SORD: variants seen among roughly 807,000 people sequenced by gnomAD.
SORD encodes the protein sorbitol dehydrogenase.
A neutral mutation model predicts 35.6 loss-of-function variants in SORD; 18 were observed. The ratio of observed to expected loss-of-function variants is 0.51; its 90% CI spans 0.35 to 0.75. SORD has a LOEUF of 0.75. Ranked by LOEUF, SORD falls within the 30% of genes least tolerant of loss-of-function variation. The pLI is 0.01. For missense variants in SORD, 250 were observed against 390.2 expected (o/e 0.64, Z 3.03); for synonymous variants, 106 against 152.9 (o/e 0.69, Z 2.26).
chr15:45,038,189 T>TTCCC (rs1383591476), intron 1 of SORD, among the ~76,000 whole-genome samples: 2 of 135,218 alleles, frequency 1.5e-5, no homozygotes, highest in East Asian at 4.1e-4. Flanking sequence ...CCTTCCTTCC[T>TTCCC]TCCTTCTGAT....
intron 1 of SORD, among the ~76,000 whole-genome samples, chr15:45,024,524 G>A (rs1188694019): frequency 2.6e-5 from 4 of 152,054 alleles, no homozygotes; most frequent in South Asian, 4.1e-4. Context: ...ACAGAGCCAC[G>A]ACAAGGACTC....
intron 5 of SORD, among the ~76,000 whole-genome samples, chr15:45,065,715 CTT>C (rs1316865740): frequency 6.6e-6 from 1 of 152,116 alleles, no homozygotes; most frequent in African/African-American, 2.4e-5. Context: ...AGCCCAGGAG[CTT>C]GAGACCAGTC....
intron 4 of SORD, 103 bp downstream of exon 4, chr15:45,061,329 C>T (rs1440398659): frequency 1.5e-6 from 2 of 1,315,516 alleles, no homozygotes; most frequent in African/African-American, 2.9e-5. Context: ...GCTCATAATT[C>T]CAAACATGAG....
At chr15:45,069,560 C>T (rs1945182455) in intron 7 of SORD, among the ~76,000 whole-genome samples, 1 of 152,010 alleles carries the variant, frequency 6.6e-6, no homozygotes, top group African/African-American at 2.4e-5. Context: ...ATTGGGCCAT[C>T]TGAGGTTCAC....
rs759602536 is a variant in SORD at position 45,073,446 on chromosome 15, A to G, written c.990A>G (p.Lys330=). 1 of 1,573,788 alleles carries G rather than the reference A, an allele frequency of 6.4e-7. No homozygotes were observed. Among genetic ancestry groups the G allele is most frequent in the East Asian group, 2.3e-5 (1 of 44,414 alleles). The part of the protein sequence containing the change: ...PLVTHRFPLE[K]ALEAFETFKK... ...TCACCCATAGGTTTCCTCTGGAGAA[A>G]GCTCTGGAGGCCTTTGAAACATTTA... The change falls in exon 9 of 9, where the codon AAA becomes AAG. Residue 330 remains lysine (K), a synonymous_variant. Transcript: ENST00000267814.
At chr15:45,030,273 A>G (rs1441948749) in intron 1 of SORD, among the ~76,000 whole-genome samples, 3 of 152,264 alleles carry the variant, frequency 2.0e-5, no homozygotes, top group Admixed American at 2.0e-4. Flanking sequence ...ACCATTCCAT[A>G]AAAGCAGCCC....
At chr15:45,034,837 G>C (rs1204145245) in intron 1 of SORD, among the ~76,000 whole-genome samples, 1 of 152,254 alleles carries the variant, frequency 6.6e-6, no homozygotes, top group Non-Finnish European at 1.5e-5. Context: ...TGTGGAGAGA[G>C]AGGCGCGAGC....
intron 3 of SORD, among the ~76,000 whole-genome samples, chr15:45,056,713 A>G (rs1317375335): frequency 6.6e-6 from 1 of 152,248 alleles, no homozygotes; most frequent in Non-Finnish European, 1.5e-5. Context: ...TATACAAGTT[A>G]TAAATGTTTG....
intron 5 of SORD, among the ~76,000 whole-genome samples, chr15:45,067,568 C>T (rs368985800): frequency 7.9e-5 from 12 of 152,118 alleles, no homozygotes; most frequent in African/African-American, 1.9e-4. Flanking sequence ...GCTTTCATTC[C>T]GTGGGTCTGA....
At chr15:45,057,839 C>G (rs1181710039) in intron 3 of SORD, among the ~76,000 whole-genome samples, 1 of 152,144 alleles carries the variant, frequency 6.6e-6, no homozygotes, top group African/African-American at 2.4e-5. Context: ...GTGCTGGGCA[C>G]AAAGCCCAAA....
In SORD at chr15:45,061,176, T is replaced by A. The variant is rs1381217714; in HGVS notation, c.375T>A (p.Asp125Glu). ...TCTTCTTCTGTGCCACGCCCCCCGA[T>A]GACGGGAACCTCTGCCGGTTCTATA... ...PSIFFCATPP[D>E]DGNLCRFYKH... Residue 125 changes from aspartate (D) to glutamate (E), a missense_variant, in exon 4 of 9, where the codon GAT (aspartate) becomes GAA (glutamate). Coordinates refer to ENST00000267814, the MANE Select transcript of SORD (RefSeq NM_003104.6). 3 of 1,614,104 alleles carry A rather than the reference T, an allele frequency of 1.9e-6. No homozygotes were observed. The African/African-American group carries it at 4.0e-5, about 22-fold the overall frequency.
At chr15:45,047,358 G>A (rs999101600) in intron 3 of SORD, 1 of 151,944 alleles carries the variant, frequency 6.6e-6, no homozygotes, top group South Asian at 2.1e-4. Flanking sequence ...GCCTCAGCAG[G>A]CCTCACCAGG....
At chr15:45,069,087 A>C (rs55881086) in intron 7 of SORD, 35 bp downstream of exon 7, 2 of 1,474,240 alleles carry the variant, frequency 1.4e-6, no homozygotes, top group Middle Eastern at 1.8e-4. Context: ...GGGAATCAGC[A>C]TAGGGGAGTG....
chr15:45,027,000 C>G (rs1290603200), intron 1 of SORD, among the ~76,000 whole-genome samples: 1 of 152,252 alleles, frequency 6.6e-6, no homozygotes, highest in Non-Finnish European at 1.5e-5. Flanking sequence ...AAAAATTAAA[C>G]TCCTCACCTA....
intron 1 of SORD, among the ~76,000 whole-genome samples, chr15:45,030,597 T>G (rs1420999230): frequency 6.6e-6 from 1 of 152,278 alleles, no homozygotes; most frequent in Non-Finnish European, 1.5e-5. Context: ...ACGAACAGAC[T>G]AGAGCATCTG....
intron 1 of SORD, among the ~76,000 whole-genome samples, chr15:45,030,530 A>T (rs1050005873): frequency 1.7e-4 from 26 of 152,382 alleles, no homozygotes; most frequent in African/African-American, 5.8e-4. Context: ...ACAATTTTAA[A>T]AAACACAGAA....
chr15:45,062,914 A>G (rs1893344471), intron 4 of SORD, among the ~76,000 whole-genome samples: 1 of 146,534 alleles, frequency 6.8e-6, no homozygotes, highest in Non-Finnish European at 1.5e-5. Context: ...TGAGAAAAGC[A>G]TATCAAGTCT....
chr15:45,058,233 T>C (rs1893248332), intron 3 of SORD, among the ~76,000 whole-genome samples: 1 of 152,176 alleles, frequency 6.6e-6, no homozygotes, highest in Non-Finnish European at 1.5e-5. Context: ...CAGATAACAC[T>C]GAGGTGTAGC....
At chr15:45,023,412 A>G (rs1465517357) in intron 1 of SORD, 63 bp downstream of exon 1, 5 of 1,355,632 alleles carry the variant, frequency 3.7e-6, no homozygotes, top group Non-Finnish European at 4.9e-6. Flanking sequence ...GAGCCCAGCC[A>G]TAGTCCTGGC....
Sources: allele counts gnomAD v4.1 joint callset (sites outside exome capture counted in the v4.1 genomes callset), GRCh38; gene constraint gnomAD v4.1.1; transcripts MANE v1.5; gene names NCBI Gene and HGNC (gene_info 2026-07-23, HGNC 2026-07-21).